The following NRCAM variants were observed in gnomAD, a reference collection of about 807,000 sequenced individuals.
NRCAM encodes NgCAM-related cell adhesion molecule.
Under a neutral mutation model 156.5 loss-of-function variants are expected in NRCAM, and 83 were observed. The observed-to-expected ratio is 0.53, with a 90% confidence interval of 0.44 to 0.64. NRCAM has a LOEUF of 0.64. NRCAM is among the 30% of genes least tolerant of loss of function. The pLI, the probability that NRCAM is intolerant of heterozygous loss-of-function variation, is 0.00. For synonymous variants in NRCAM, 538 were observed against 563.9 expected (o/e 0.95, Z 0.65); for missense variants, 1,417 against 1,597.3 (o/e 0.89, Z 1.92).
intron 3 of NRCAM, among the ~76,000 whole-genome samples, chr7:108,309,516 A>C (rs961297622): frequency 6.6e-6 from 1 of 152,190 alleles, no homozygotes; most frequent in Non-Finnish European, 1.5e-5. Flanking sequence ...CAGCCTTAAA[A>C]TGATCCTGTA....
intron 14 of NRCAM, among the ~76,000 whole-genome samples, chr7:108,197,609 C>T (rs185892539): frequency 6.6e-6 from 1 of 152,258 alleles, no homozygotes; most frequent in African/African-American, 2.4e-5. Context: ...CATTGTTATT[C>T]AACTTGTCAG....
intron 2 of NRCAM, among the ~76,000 whole-genome samples, chr7:108,319,034 G>A (rs1287444756): frequency 6.6e-6 from 1 of 152,162 alleles, no homozygotes; most frequent in Non-Finnish European, 1.5e-5. Context: ...AATCTGGGAT[G>A]ATGAAAACAT....
intron 17 of NRCAM, 117 bp from the exon 18 acceptor site, chr7:108,191,970 T>C (rs978689412): frequency 4.1e-6 from 5 of 1,218,724 alleles, no homozygotes; most frequent in Non-Finnish European, 5.6e-6. Context: ...GTAAACACTT[T>C]CAAAAGTTAG....
At chr7:108,288,081 T>C (rs1466670488) in intron 3 of NRCAM, among the ~76,000 whole-genome samples, 1 of 152,134 alleles carries the variant, frequency 6.6e-6, no homozygotes. Context: ...AATAATGTCT[T>C]TTGCAGCAGA....
At chr7:108,446,521 A>G (rs1389299320) in intron 1 of NRCAM, among the ~76,000 whole-genome samples, 5 of 152,204 alleles carry the variant, frequency 3.3e-5, no homozygotes, top group Admixed American at 2.0e-4. Context: ...TGTGAAGAGC[A>G]GCTCAGGCTC....
intron 2 of NRCAM, among the ~76,000 whole-genome samples, chr7:108,387,074 T>A (rs2099743015): frequency 6.6e-6 from 1 of 152,130 alleles, no homozygotes; most frequent in Non-Finnish European, 1.5e-5. Flanking sequence ...GGGCAAAAAA[T>A]TTCCAATATC....
chr7:108,281,350 T>C (rs752646841), intron 3 of NRCAM, among the ~76,000 whole-genome samples: 1 of 152,082 alleles, frequency 6.6e-6, no homozygotes, highest in Non-Finnish European at 1.5e-5. Context: ...AAAAAACGAA[T>C]GATGAGCATT....
chr7:108,373,515 A>G (rs560603623), intron 2 of NRCAM, among the ~76,000 whole-genome samples: 30 of 152,294 alleles, frequency 2.0e-4, no homozygotes, highest in African/African-American at 7.0e-4. Flanking sequence ...ATCTACCATG[A>G]TGAGTAGCTG....
At chr7:108,372,409 A>C (rs1595511590) in intron 2 of NRCAM, among the ~76,000 whole-genome samples, 1 of 152,260 alleles carries the variant, frequency 6.6e-6, no homozygotes, top group East Asian at 1.9e-4. Flanking sequence ...TTATCAATAG[A>C]GTTAAAGGCA....
intron 2 of NRCAM, among the ~76,000 whole-genome samples, chr7:108,390,717 T>C (rs570798867): frequency 6.6e-6 from 1 of 152,320 alleles, no homozygotes; most frequent in African/African-American, 2.4e-5. Context: ...TTTAGTGCTA[T>C]AAATTTCCCT....
chr7:108,233,366 G>A (rs1181550277), intron 6 of NRCAM, among the ~76,000 whole-genome samples: 4 of 152,170 alleles, frequency 2.6e-5, no homozygotes, highest in Admixed American at 2.6e-4. Flanking sequence ...ACCAGGGCAG[G>A]AACTGGTGGT....
At chr7:108,283,041 C>T (rs58979770) in intron 3 of NRCAM, among the ~76,000 whole-genome samples, 3,228 of 146,186 alleles carry the variant, frequency 0.022, 120 homozygotes, top group African/African-American at 0.078. Context: ...TTCTCTGTTC[C>T]CTACTCTCTA....
chr7:108,429,547 T>TTTTTACTTTGCCAATTGCCA (rs1201170644), intron 1 of NRCAM, among the ~76,000 whole-genome samples: 6 of 152,350 alleles, frequency 3.9e-5, no homozygotes, highest in East Asian at 3.9e-4. Flanking sequence ...CTGGAATTCA[T>TTTTTACTTTGCCAATTGCCA]TTTTACTTTG....
At chr7:108,308,508 C>G (rs972181459) in intron 3 of NRCAM, among the ~76,000 whole-genome samples, 5 of 152,140 alleles carry the variant, frequency 3.3e-5, no homozygotes, top group African/African-American at 4.8e-5. Flanking sequence ...CAGTTTCAAA[C>G]CAGATATTTC....
intron 3 of NRCAM, among the ~76,000 whole-genome samples, chr7:108,241,154 C>T (rs1169416296): frequency 1.3e-5 from 2 of 152,164 alleles, no homozygotes; most frequent in African/African-American, 2.4e-5. Context: ...TTGTAAACAT[C>T]ACATACATAG....
intron 1 of NRCAM, among the ~76,000 whole-genome samples, chr7:108,431,954 C>CCAGT (rs1413393877): frequency 6.6e-6 from 1 of 152,174 alleles, no homozygotes; most frequent in African/African-American, 2.4e-5. Flanking sequence ...GTTTTAAGTA[C>CCAGT]CAGTCACTTC....
At chr7:108,308,877 A>G (rs1235231880) in intron 3 of NRCAM, among the ~76,000 whole-genome samples, 1 of 152,218 alleles carries the variant, frequency 6.6e-6, no homozygotes, top group Non-Finnish European at 1.5e-5. Flanking sequence ...TGCCTAATCA[A>G]TAAAGGCATC....
intron 2 of NRCAM, among the ~76,000 whole-genome samples, chr7:108,367,381 T>C (rs1286628737): frequency 6.6e-6 from 1 of 152,204 alleles, no homozygotes; most frequent in African/African-American, 2.4e-5. Flanking sequence ...ATTTGATTTA[T>C]AATAATGTGG....
At chr7:108,375,488 A>G (rs1456071619) in intron 2 of NRCAM, among the ~76,000 whole-genome samples, 1 of 152,124 alleles carries the variant, frequency 6.6e-6, no homozygotes, top group East Asian at 1.9e-4. Flanking sequence ...TAAGAATTTA[A>G]GACTACTCAG....
Sources: gnomAD v4.1 joint callset for allele counts (sites outside exome capture counted in the v4.1 genomes callset) on GRCh38, gnomAD v4.1.1 for gene constraint, MANE v1.5 for transcripts, NCBI Gene and HGNC (gene_info 2026-07-23, HGNC 2026-07-21) for gene names.